SLCO5A1: variants seen among roughly 807,000 people sequenced by gnomAD.
SLCO5A1 encodes the protein solute carrier organic anion transporter family member 5A1.
In SLCO5A1, 39 loss-of-function variants were observed where a neutral mutation model predicts 65.1. The ratio of observed to expected loss-of-function variants is 0.60; its 90% CI spans 0.46 to 0.78. SLCO5A1 has a LOEUF of 0.78. Ranked by LOEUF, SLCO5A1 falls within the 30% of genes least tolerant of loss-of-function variation. The probability of loss-of-function intolerance (pLI) is 0.00; values close to 1 mark genes in which losing one functional copy is unlikely to be tolerated. For missense variants in SLCO5A1, 1,029 were observed against 1,069.4 expected, an observed-to-expected ratio of 0.96 and a Z score of 0.53; for synonymous variants, 438 against 415.7, an observed-to-expected ratio of 1.05 and a Z score of -0.65.
chr8:69,679,085 C>T (rs532194172), intron 8 of SLCO5A1, among the ~76,000 whole-genome samples: 2 of 152,252 alleles, frequency 1.3e-5, no homozygotes, highest in African/African-American at 2.4e-5. Context: ...AGTTGAACCT[C>T]GTAGGGCAGA....
At chr8:69,719,934 C>G (rs1046182822) in intron 5 of SLCO5A1, among the ~76,000 whole-genome samples, 1 of 152,224 alleles carries the variant, frequency 6.6e-6, no homozygotes, top group Non-Finnish European at 1.5e-5. Flanking sequence ...ATTAAATAAA[C>G]ACTTTCTTGC....
intron 2 of SLCO5A1, among the ~76,000 whole-genome samples, chr8:69,801,998 A>G (rs147443650): frequency 6.6e-6 from 1 of 152,268 alleles, no homozygotes; most frequent in Non-Finnish European, 1.5e-5. Flanking sequence ...TCTGCTCCTC[A>G]GTTTTCCCAG....
At chr8:69,777,429 C>G (rs567154445) in intron 2 of SLCO5A1, among the ~76,000 whole-genome samples, 6 of 147,496 alleles carry the variant, frequency 4.1e-5, no homozygotes, top group African/African-American at 1.5e-4. Flanking sequence ...TCAAAAGAGG[C>G]CCAAAACCAC....
chr8:69,764,381 C>A (rs1467734835), intron 2 of SLCO5A1, among the ~76,000 whole-genome samples: 2 of 152,172 alleles, frequency 1.3e-5, no homozygotes, highest in Non-Finnish European at 2.9e-5. Context: ...TGATTTTGTA[C>A]CTCCTGTTAC....
In SLCO5A1 at chr8:69,811,068, G is replaced by T. The variant is rs536223956; in HGVS notation, c.907+20699C>A. ...CCTTCCCACATGCAGTAAAGTGCAT[G>T]AGCCAACGTCTCAGCAGGCAGACTA... On this transcript the variant is annotated intron_variant, in intron 2 of 9. Coordinates refer to ENST00000260126, the MANE Select transcript of SLCO5A1 (RefSeq NM_030958.3). 2.6e-5 allele frequency among the ~76,000 whole-genome samples: 4 copies of T among 152,222 alleles called. No homozygotes were observed. The East Asian group carries it at 7.7e-4, about 29-fold the overall frequency.
rs1167442135 is a variant in SLCO5A1 at position 69,808,594 on chromosome 8, A to G, written c.907+23173T>C. On this transcript the variant is annotated intron_variant, in intron 2 of 9. Coordinates refer to ENST00000260126, the MANE Select transcript of SLCO5A1 (RefSeq NM_030958.3). ...TGATGGACATTTAAGTTGATTCCAC[A>G]TCTTTGCTATTGTGAATAGTGCTGC... 5.3e-5 allele frequency among the ~76,000 whole-genome samples: 8 copies of G among 152,154 alleles called. No individual in the cohort carries two copies. In the East Asian group the frequency reaches 1.2e-3, roughly 22 times the overall value.
intron 4 of SLCO5A1, among the ~76,000 whole-genome samples, chr8:69,745,803 A>T (rs1021897226): frequency 1.3e-5 from 2 of 152,216 alleles, no homozygotes; most frequent in Non-Finnish European, 2.9e-5. Flanking sequence ...TACAGTCACG[A>T]TGTTGTGCAA....
chr8:69,770,835 T>C (rs1818289790), intron 2 of SLCO5A1, among the ~76,000 whole-genome samples: 1 of 152,178 alleles, frequency 6.6e-6, no homozygotes, highest in Non-Finnish European at 1.5e-5. Flanking sequence ...CTTAAATTAC[T>C]CTTCCCCTTA....
At chr8:69,827,853 G>A (rs1820988224) in intron 2 of SLCO5A1, among the ~76,000 whole-genome samples, 1 of 152,170 alleles carries the variant, frequency 6.6e-6, no homozygotes, top group Admixed American at 6.5e-5. Flanking sequence ...ACGGTTTAGA[G>A]AATAATCTTA....
chr8:69,824,786 C>A (rs968663839), intron 2 of SLCO5A1, among the ~76,000 whole-genome samples: 1 of 152,194 alleles, frequency 6.6e-6, no homozygotes, highest in African/African-American at 2.4e-5. Context: ...ATGAGACCAG[C>A]ATCATCCTGA....
chr8:69,731,753 G>T (rs923141207), intron 5 of SLCO5A1, among the ~76,000 whole-genome samples: 1 of 152,154 alleles, frequency 6.6e-6, no homozygotes, highest in African/African-American at 2.4e-5. Flanking sequence ...TGATTAAAAT[G>T]ATATAAGTGG....
At chr8:69,809,967 C>T (rs1820150103) in intron 2 of SLCO5A1, among the ~76,000 whole-genome samples, 1 of 152,180 alleles carries the variant, frequency 6.6e-6, no homozygotes, top group African/African-American at 2.4e-5. Flanking sequence ...ACAAGTCTCA[C>T]TAACACTGGA....
chr8:69,811,115 C>A (rs933579951), intron 2 of SLCO5A1, among the ~76,000 whole-genome samples: 1 of 152,192 alleles, frequency 6.6e-6, no homozygotes, highest in African/African-American at 2.4e-5. Context: ...TCCAGACCCA[C>A]TCCAGGAACC....
At chr8:69,724,874 A>G (rs1281514855) in intron 5 of SLCO5A1, among the ~76,000 whole-genome samples, 1 of 152,126 alleles carries the variant, frequency 6.6e-6, no homozygotes, top group Non-Finnish European at 1.5e-5. Context: ...CTGTGAGGCA[A>G]TGGATGCTTG....
chr8:69,678,800 G>GAA (rs10648194), intron 8 of SLCO5A1, among the ~76,000 whole-genome samples: 50,183 of 139,352 alleles, frequency 0.36, 9,173 homozygotes, highest in African/African-American at 0.46. Flanking sequence ...CTGAAAAACT[G>GAA]AAAAAAAAAA....
rs1813290312 is a variant in SLCO5A1 at position 69,670,201 on chromosome 8, A to G, written c.*2668T>C. 1 of 152,240 alleles carries G rather than the reference A, an allele frequency of 6.6e-6. No homozygotes were observed. Among genetic ancestry groups the G allele is most frequent in the Non-Finnish European group, 1.5e-5 (1 of 68,048 alleles). 9.4% of individuals were successfully genotyped at this position (152,240 alleles called of 1,614,324 possible). ...AAAGGACAAGATGACCTTTTCCAAA[A>G]CAAGTAATTTGAAGCCTAAGCTCAT... On this transcript the variant is annotated 3_prime_UTR_variant, in exon 10 of 10. Transcript: ENST00000260126.
chr8:69,737,953 G>C (rs1215996094), intron 5 of SLCO5A1, 87 bp downstream of exon 5: 1 of 1,408,600 alleles, frequency 7.1e-7, no homozygotes, highest in Non-Finnish European at 9.7e-7. Flanking sequence ...TTAACACTTC[G>C]ATGTTAGATT....
intron 2 of SLCO5A1, among the ~76,000 whole-genome samples, chr8:69,816,895 G>A (rs1820434758): frequency 6.6e-6 from 1 of 151,986 alleles, no homozygotes; most frequent in Non-Finnish European, 1.5e-5. Context: ...TACCATTCAA[G>A]GACTTGAACT....
At chr8:69,811,965 A>G (rs1454193529) in intron 2 of SLCO5A1, among the ~76,000 whole-genome samples, 2 of 152,228 alleles carry the variant, frequency 1.3e-5, no homozygotes, top group African/African-American at 4.8e-5. Flanking sequence ...CGAGTATGCT[A>G]GCATCTGGAT....
Sources: allele counts gnomAD v4.1 joint callset (sites outside exome capture counted in the v4.1 genomes callset), GRCh38; gene constraint gnomAD v4.1.1; transcripts MANE v1.5; gene names NCBI Gene and HGNC (gene_info 2026-07-23, HGNC 2026-07-21).